The following NLRP5 variants were observed in gnomAD, a reference collection of about 807,000 sequenced individuals.
The protein encoded by NLRP5 is NLR family pyrin domain containing 5, also known as NACHT, LRR and PYD domains-containing protein 5.
A neutral mutation model predicts 113.1 loss-of-function variants in NLRP5; 93 were observed. The ratio of observed to expected loss-of-function variants is 0.82; its 90% confidence interval spans 0.70 to 0.98. The LOEUF (loss-of-function observed/expected upper bound fraction) is 0.98. NLRP5 is among the 50% of genes least tolerant of loss of function. The pLI, the probability that NLRP5 is intolerant of heterozygous loss-of-function variation, is 0.00. For synonymous variants in NLRP5, 751 were observed against 600.7 expected (o/e 1.25, Z -3.66); for missense variants, 1,808 against 1,514.3 (o/e 1.19, Z -3.22).
At chr19:56,035,454 C>G (rs939452568) in intron 9 of NLRP5, among the ~76,000 whole-genome samples, 1 of 152,214 alleles carries the variant, frequency 6.6e-6, no homozygotes, top group Non-Finnish European at 1.5e-5. Context: ...ATGGAGGAAG[C>G]TGCATGCTCA....
chr19:55,998,694 A>ATGTGTGTGTG (rs1555762415), upstream of NLRP5, among the ~76,000 whole-genome samples: 5 of 58,050 alleles, frequency 8.6e-5, no homozygotes, highest in African/African-American at 3.0e-4. Context: ...ATATATATAT[A>ATGTGTGTGTG]TATATATATG....
At chr19:56,010,742 C>CCCAAAAA (rs1555764914) in intron 3 of NLRP5, among the ~76,000 whole-genome samples, 1 of 41,278 alleles carries the variant, frequency 2.4e-5, no homozygotes, top group African/African-American at 1.0e-4. Flanking sequence ...AACTCTGTCT[C>CCCAAAAA]AAAAAAAAAA....
intron 5 of NLRP5, among the ~76,000 whole-genome samples, chr19:56,020,062 C>T (rs1304671978): frequency 2.6e-5 from 4 of 151,876 alleles, no homozygotes; most frequent in South Asian, 2.1e-4. Context: ...GTCTCGAACT[C>T]GTGACCTCGG....
chr19:56,043,639 C>T (rs1983607170), intron 11 of NLRP5, among the ~76,000 whole-genome samples: 1 of 142,286 alleles, frequency 7.0e-6, no homozygotes, highest in Non-Finnish European at 1.5e-5. Context: ...GATCTCCGGT[C>T]ACTGCAAGCT....
At position 56,027,801 on chromosome 19, in the gene NLRP5, A is replaced by G. The variant is rs1365153790; in HGVS notation, c.1568A>G (p.Glu523Gly). Residue 523 changes from glutamate to glycine, a missense_variant, in exon 7 of 15, where the codon GAG (glutamate) becomes GGG (glycine). Transcript: ENST00000390649. ...GTGGTCCGGCGCTGTCTCAATCTGG[A>G]GGAAAGAGTTGTCCTGAAGCGCTTC... The G allele has an allele frequency of 1.9e-6, 3 of 1,613,902 alleles. No individual in the cohort carries two copies. Among genetic ancestry groups the G allele is most frequent in the Non-Finnish European group, 2.5e-6 (3 of 1,179,890 alleles).
At chr19:56,058,044 A>AAAAT (rs1984220721) in intron 13 of NLRP5, among the ~76,000 whole-genome samples, 196 bp from the exon 14 acceptor site, 2 of 150,562 alleles carry the variant, frequency 1.3e-5, no homozygotes, top group African/African-American at 4.9e-5. Context: ...AAAAAAAAAA[A>AAAAT]GGCGAATATT....
chr19:56,034,825 G>C (rs557795143), intron 9 of NLRP5, among the ~76,000 whole-genome samples: 88 of 152,314 alleles, frequency 5.8e-4, no homozygotes, highest in African/African-American at 2.0e-3. Context: ...CACGTTGGTT[G>C]GTTGGTTGGT....
At position 56,027,388 on chromosome 19, in the gene NLRP5, G is replaced by GCCT. The variant is rs749741891; in HGVS notation, c.1158_1160dup (p.Pro387dup). ...TCTGCAAAGACTGGGCTGAGAAGCA[G>GCCT]CCTCCGTTCACCCTCATACGCAGTC... On this transcript the variant is annotated inframe_insertion, in exon 7 of 15. Transcript: ENST00000390649. 5 of 1,613,552 alleles carry GCCT rather than the reference G, an allele frequency of 3.1e-6. No individual in the cohort carries two copies. The highest frequency in any genetic ancestry group is 4.2e-6 in the Non-Finnish European group (5 of 1,179,748).
chr19:56,026,688 C>G (rs937621166), intron 6 of NLRP5, among the ~76,000 whole-genome samples: 1 of 151,600 alleles, frequency 6.6e-6, no homozygotes, highest in African/African-American at 2.4e-5. Flanking sequence ...AAGCAATTCT[C>G]CTGCCTCAGC....
intron 6 of NLRP5, among the ~76,000 whole-genome samples, chr19:56,025,480 G>C (rs949659724): frequency 6.6e-6 from 1 of 151,730 alleles, no homozygotes; most frequent in African/African-American, 2.4e-5. Flanking sequence ...ATCTTGGCTC[G>C]CTGCAAGCTC....
intron 11 of NLRP5, among the ~76,000 whole-genome samples, chr19:56,046,602 G>A (rs1453181581): frequency 1.3e-5 from 2 of 151,798 alleles, no homozygotes; most frequent in African/African-American, 2.4e-5. Context: ...GTGCAGTGGC[G>A]CGATCTCGGC....
At chr19:56,021,038 A>C (rs1982596006) in intron 6 of NLRP5, among the ~76,000 whole-genome samples, 1 of 151,676 alleles carries the variant, frequency 6.6e-6, no homozygotes, top group Non-Finnish European at 1.5e-5. Flanking sequence ...TGCCCGACTA[A>C]TTTTTGTATT....
chr19:56,045,852 T>C (rs1332713122), intron 11 of NLRP5, among the ~76,000 whole-genome samples: 1 of 152,194 alleles, frequency 6.6e-6, no homozygotes, highest in East Asian at 1.9e-4. Context: ...GTTACAATGA[T>C]AGAATGTTGC....
chr19:55,988,681 C>G, the NLRP5 span: 2 of 151,978 alleles, frequency 1.3e-5, no homozygotes, highest in African/African-American at 2.4e-5. Flanking sequence ...TTTTACAGCC[C>G]TGGTTCACGT....
At chr19:55,999,492 G>A (rs983360676), upstream of NLRP5, among the ~76,000 whole-genome samples, 2 of 151,976 alleles carry the variant, frequency 1.3e-5, no homozygotes, top group Non-Finnish European at 2.9e-5. Context: ...AAGCCTGAGC[G>A]CTTGTGTACC....
Position 56,003,724 on chromosome 19 carries a change from C to T in NLRP5, c.71C>T (p.Thr24Ile), listed in dbSNP as rs202104062. 1.9e-4 allele frequency: 302 copies of T among 1,596,342 alleles called. 1 individual carries two copies. Among genetic ancestry groups the T allele is most frequent in the Admixed American group, 7.3e-4 (41 of 56,112 alleles). ...CAAGATCCTCTTTTAAGTCTTGTCA[C>T]TCTTTCCACAGGTCCTACTTGCTCT... The change falls in exon 2 of 15, where the codon ACT becomes ATT. Residue 24 changes from threonine (T) to isoleucine (I), a missense_variant. Physicochemically the swap from Thr to Ile is moderately conservative, Grantham distance 89 (BLOSUM62 -1). Transcript: ENST00000390649.
chr19:56,041,323 C>T (rs1983515009), intron 11 of NLRP5, among the ~76,000 whole-genome samples: 1 of 152,056 alleles, frequency 6.6e-6, no homozygotes, highest in Non-Finnish European at 1.5e-5. Context: ...ACAGTCAGTT[C>T]TCATAATTGG....
At chr19:56,042,694 C>T (rs1024144600) in intron 11 of NLRP5, among the ~76,000 whole-genome samples, 19 of 152,138 alleles carry the variant, frequency 1.2e-4, no homozygotes, top group African/African-American at 4.1e-4. Flanking sequence ...TTGGTGCACC[C>T]ATCACTCAAG....
Position 56,027,353 on chromosome 19 carries a change from G to T in NLRP5, c.1120G>T (p.Asp374Tyr). 6.2e-7 allele frequency: 1 copy of T among 1,613,248 alleles called. No homozygotes were observed. Among genetic ancestry groups the T allele is most frequent in the Non-Finnish European group, 8.5e-7 (1 of 1,179,808 alleles). The change falls in exon 7 of 15, where the codon GAC becomes TAC. Residue 374 changes from aspartate (D) to tyrosine (Y), a missense_variant. Coordinates refer to ENST00000390649, the MANE Select transcript of NLRP5 (RefSeq NM_153447.4). ...TGACCTGGGCTCTGTCCTCAACAAT[G>T]ACACAAAGCTCTGCAAAGACTGGGC... is the stretch of plus-strand genomic sequence containing the variant.
Sources: allele counts gnomAD v4.1 joint callset (sites outside exome capture counted in the v4.1 genomes callset), GRCh38; gene constraint gnomAD v4.1.1; transcripts MANE v1.5; gene names NCBI Gene and HGNC (gene_info 2026-07-23, HGNC 2026-07-21).